Variants in THUMPD2 observed in about 807,000 individuals in gnomAD.
THUMPD2 encodes THUMP domain 2 tRNA and snRNA guanosine methyltransferase, also known as U6 snRNA (guanine-N(2))-methyltransferase THUMPD2.
THUMPD2 carries 56 observed loss-of-function variants against 49.4 expected under a neutral mutation model. The ratio of observed to expected loss-of-function variants is 1.13; its 90% confidence interval spans 0.91 to 1.41. The LOEUF (loss-of-function observed/expected upper bound fraction) is 1.41, where lower values mean the gene tolerates loss of function less well. Ranked by LOEUF, THUMPD2 falls within the 40% of genes most tolerant of loss-of-function variation. THUMPD2 has a pLI of 0.00. For missense variants in THUMPD2, 709 were observed against 594.5 expected (o/e 1.19, Z -2.00); for synonymous variants, 237 against 205.2 (o/e 1.15, Z -1.32).
intron 5 of THUMPD2, among the ~76,000 whole-genome samples, chr2:39,764,235 C>T (rs1677212149): frequency 6.6e-6 from 1 of 152,184 alleles, no homozygotes; most frequent in African/African-American, 2.4e-5. Flanking sequence ...TTATTCAATG[C>T]TTACTGTATC....
intron 8 of THUMPD2, among the ~76,000 whole-genome samples, chr2:39,751,499 A>C (rs965593108): frequency 1.3e-5 from 2 of 152,164 alleles, no homozygotes; most frequent in South Asian, 2.1e-4. Context: ...CTTTTGCTCA[A>C]ATCTGTTTAT....
At position 39,755,423 on chromosome 2, in the gene THUMPD2, A is replaced by C; in HGVS notation, c.964-14T>G. 1 of 1,477,920 alleles carries C rather than the reference A, an allele frequency of 6.8e-7. No homozygotes were observed. The highest frequency in any genetic ancestry group is 9.2e-7 in the Non-Finnish European group (1 of 1,088,634). The allele number at this position is 1,477,920 out of a possible 1,614,324, so 91.6% of individuals were successfully genotyped here. A position where few individuals can be genotyped will look rare whatever the true frequency, so the allele number is the denominator to read the frequency against. On this transcript the variant is annotated splice_polypyrimidine_tract_variant and intron_variant, in intron 7 of 9. Transcript: ENST00000505747. ...ATAATACACATCCTATGGGGAAATAAATATTTTAAGCATAAATAAAATTAT... is the reference window on the plus strand; with the variant it reads ...ATAATACACATCCTATGGGGAAATACATATTTTAAGCATAAATAAAATTAT...
intron 1 of THUMPD2, among the ~76,000 whole-genome samples, chr2:39,772,033 C>A (rs1340085767): frequency 6.6e-6 from 1 of 152,060 alleles, no homozygotes; most frequent in African/African-American, 2.4e-5. Flanking sequence ...GAATTAAATC[C>A]AGAAGAAAAC....
rs1257639855 is a variant in THUMPD2, at chr2:39,778,385, C to T, written c.126+729G>A. ...TGCAGAAACTCCTTTTGTGGGCTTC[C>T]CACACTGTAGGAGCTGCCAGGGTGG... On this transcript the variant is annotated intron_variant, in intron 1 of 9. Coordinates refer to ENST00000505747, the MANE Select transcript of THUMPD2 (RefSeq NM_025264.5). Among the ~76,000 whole-genome samples the T allele has an allele frequency of 1.1e-4, 16 of 152,182 alleles. 1 individual carries two copies. The highest frequency in any genetic ancestry group is 1.0e-3 in the Admixed American group (16 of 15,290).
chr2:39,775,760 CAAAAAAAAA>C (rs774580208), intron 1 of THUMPD2, among the ~76,000 whole-genome samples: 17 of 63,354 alleles, frequency 2.7e-4, no homozygotes, highest in Middle Eastern at 9.6e-3. Context: ...AACACTATGT[CAAAAAAAAA>C]AAAAAAAAAA....
chr2:39,776,539 G>A (rs563840911), intron 1 of THUMPD2, among the ~76,000 whole-genome samples: 6 of 152,004 alleles, frequency 3.9e-5, no homozygotes, highest in East Asian at 3.9e-4. Context: ...GACTACAGGT[G>A]TACGCCACCA....
rs1371997643 is a variant in THUMPD2 at position 39,779,211 on chromosome 2, G to C, written c.29C>G (p.Ser10Cys). ...GAATCGGGCGCCAGCCTCAGGCCCG[G>C]ACCCTGGCTCTCCACGCGCCTCCGA... MSEARGEPG[S>C]GPEAGARFFC... Residue 10 changes from serine (S) to cysteine (C), a missense_variant, in exon 1 of 10, where the codon TCC (serine) becomes TGC (cysteine). Transcript: ENST00000505747. 1 of 1,506,518 alleles carries C rather than the reference G, an allele frequency of 6.6e-7. No individual in the cohort carries two copies. Among genetic ancestry groups the C allele is most frequent in the Admixed American group, 2.1e-5 (1 of 47,084 alleles). 93.3% of individuals were successfully genotyped at this position (1,506,518 alleles called of 1,614,324 possible).
chr2:39,745,651 C>T (rs922961223), intron 8 of THUMPD2, among the ~76,000 whole-genome samples: 4 of 152,160 alleles, frequency 2.6e-5, no homozygotes, highest in Admixed American at 6.5e-5. Flanking sequence ...ACAGTACCTA[C>T]GTATGAGTTA....
rs144423557 is a variant in THUMPD2 at position 39,774,788 on chromosome 2, T to C, written c.127-3148A>G. On this transcript the variant is annotated intron_variant, in intron 1 of 9. Transcript: ENST00000505747. ...CATGTTTCTTACCTGAAAATTTATT[T>C]ATATATACAATCTGTTTTTTTCTAT... 3.4e-3 allele frequency among the ~76,000 whole-genome samples: 512 copies of C among 152,288 alleles called. 1 individual carries two copies. Among genetic ancestry groups the C allele is most frequent in the Middle Eastern group, 0.014 (4 of 294 alleles).
chr2:39,768,430 T>C lies in THUMPD2; in HGVS notation c.744A>G (p.Gln248=), dbSNP rs1558531703. 1.2e-6 allele frequency: 2 copies of C among 1,611,026 alleles called. No homozygotes were observed. Among genetic ancestry groups the C allele is most frequent in the East Asian group, 2.2e-5 (1 of 44,780 alleles). The change falls in exon 4 of 10, where the codon CAA becomes CAG. Residue 248 remains glutamine (Q), a synonymous_variant. Transcript: ENST00000505747. The stretch of plus-strand genomic sequence containing the variant: ...TAAAACAAATACTCATTACCTCTAA[T>C]TGTGGATTCCTCAAGTCTGCTTTCC... ...FGWKADLRNP[Q]LEIFIHLNDI...
chr2:39,743,024 T>C (rs1279927035), intron 9 of THUMPD2, among the ~76,000 whole-genome samples: 2 of 152,074 alleles, frequency 1.3e-5, no homozygotes, highest in African/African-American at 2.4e-5. Flanking sequence ...AATAAGATAA[T>C]CCCTAAAGAA....
chr2:39,736,846 G>A lies in THUMPD2; in HGVS notation c.1401C>T (p.Asp467=), dbSNP rs151265471. 1.9e-6 allele frequency: 3 copies of A among 1,614,060 alleles called. No individual in the cohort carries two copies. In the African/African-American group the frequency reaches 4.0e-5, roughly 22 times the overall value. The change falls in exon 10 of 10, where the codon GAC becomes GAT. Residue 467 remains aspartate, a synonymous_variant. Coordinates refer to ENST00000505747, the MANE Select transcript of THUMPD2 (RefSeq NM_025264.5). ...CCAAGGAGCCAAATGGTGACATTCT[G>A]TCTAAGAATTTGTGGTTACTGGCTT... The part of the protein sequence containing the change: ...SFEASNHKFL[D]RMSPFGSLVP...
intron 1 of THUMPD2, among the ~76,000 whole-genome samples, chr2:39,773,583 AATATATATATATTTATATTTTAAAAATAT>A (rs1420508017): frequency 1.5e-5 from 2 of 134,044 alleles, no homozygotes; most frequent in Non-Finnish European, 3.1e-5. Context: ...ATATTTTAAA[AATATATATATATTTATATTTTAAAAATAT>A]ATATATATTT....
Position 39,755,425 on chromosome 2 carries a change from T to C in THUMPD2, c.964-16A>G. 1 of 1,463,072 alleles carries C rather than the reference T, an allele frequency of 6.8e-7. No homozygotes were observed. Among genetic ancestry groups the C allele is most frequent in the South Asian group, 1.3e-5 (1 of 78,956 alleles). 90.6% of individuals were successfully genotyped at this position (1,463,072 alleles called of 1,614,324 possible). The stretch of plus-strand genomic sequence containing the variant: ...AATACACATCCTATGGGGAAATAAA[T>C]ATTTTAAGCATAAATAAAATTATTA... On this transcript the variant is annotated splice_polypyrimidine_tract_variant and intron_variant, in intron 7 of 9. Transcript: ENST00000505747.
At chr2:39,770,261 G>T (rs1437354808) in intron 2 of THUMPD2, 142 bp from the exon 3 acceptor site, 1 of 574,132 alleles carries the variant, frequency 1.7e-6, no homozygotes, top group African/African-American at 2.0e-5. Context: ...CTTTCATTTG[G>T]AGTTCATATT....
chr2:39,751,788 G>A (rs1311961363), intron 8 of THUMPD2, among the ~76,000 whole-genome samples: 2 of 149,780 alleles, frequency 1.3e-5, no homozygotes, highest in African/African-American at 2.5e-5. Flanking sequence ...AGGTTCAAGC[G>A]ATTCTTCTGC....
chr2:39,748,992 A>C (rs550123532), intron 8 of THUMPD2, among the ~76,000 whole-genome samples: 32 of 152,270 alleles, frequency 2.1e-4, no homozygotes, highest in South Asian at 6.2e-4. Flanking sequence ...TCTTAAAAAA[A>C]AAAACAAAAC....
At chr2:39,778,332 A>G (rs1432239947) in intron 1 of THUMPD2, among the ~76,000 whole-genome samples, 2 of 152,264 alleles carry the variant, frequency 1.3e-5, no homozygotes, top group African/African-American at 2.4e-5. Context: ...CAAAACTGAC[A>G]TAATTCTTCA....
chr2:39,753,627 T>C (rs1445619058), intron 8 of THUMPD2, among the ~76,000 whole-genome samples: 2 of 152,190 alleles, frequency 1.3e-5, no homozygotes, highest in African/African-American at 4.8e-5. Context: ...TGATCCACCA[T>C]CCGTCTTCCC....
Sources: gnomAD v4.1 joint callset for allele counts (sites outside exome capture counted in the v4.1 genomes callset) on GRCh38, gnomAD v4.1.1 for gene constraint, MANE v1.5 for transcripts, NCBI Gene and HGNC (gene_info 2026-07-23, HGNC 2026-07-21) for gene names.